Variants in RNF220 observed in about 807,000 individuals in gnomAD.
RNF220 encodes the protein E3 ubiquitin-protein ligase RNF220.
Under a neutral mutation model 67.1 loss-of-function variants are expected in RNF220, and 7 were observed. The ratio of observed to expected loss-of-function variants is 0.10; its 90% CI spans 0.06 to 0.20. RNF220 has a LOEUF of 0.20. RNF220 is among the 10% of genes least tolerant of loss of function. The probability of loss-of-function intolerance (pLI) is 1.00; values close to 1 mark genes in which losing one functional copy is unlikely to be tolerated. For missense variants in RNF220, 565 were observed against 740.3 expected (o/e 0.76, Z 2.75); for synonymous variants, 270 against 283.2 (o/e 0.95, Z 0.47).
chr1:44,507,086 G>A (rs1280032509), intron 2 of RNF220, among the ~76,000 whole-genome samples: 2 of 152,172 alleles, frequency 1.3e-5, no homozygotes, highest in Non-Finnish European at 2.9e-5. Flanking sequence ...CTATCTTGGA[G>A]CAGAAAACCA....
In RNF220 at chr1:44,649,591, G is replaced by C; in HGVS notation, c.1446-70G>C. Reference sequence around the variant, plus strand: ...TTATGTATTTGGTTCTGGAATTCAAGGGAGGCGTAGGCTGGAGGTACAGAT... The same window carrying C: ...TTATGTATTTGGTTCTGGAATTCAACGGAGGCGTAGGCTGGAGGTACAGAT... On this transcript the variant is annotated intron_variant, in intron 12 of 14. Transcript: ENST00000361799. The surrounding 1 kb of genome is among the most constrained non-coding windows in gnomAD (Gnocchi z 5.9). The C allele has an allele frequency of 7.1e-7, 1 of 1,403,306 alleles. No homozygotes were observed. The highest frequency in any genetic ancestry group is 1.0e-6 in the Non-Finnish European group (1 of 991,760). The allele number at this position is 1,403,306 out of a possible 1,614,324, so 86.9% of individuals were successfully genotyped here.
intron 2 of RNF220, among the ~76,000 whole-genome samples, chr1:44,415,051 C>T (rs1031048236): frequency 1.4e-5 from 2 of 147,390 alleles, no homozygotes. Context: ...GCACATCCCT[C>T]ACTGGGTCAT....
intron 2 of RNF220, among the ~76,000 whole-genome samples, chr1:44,419,143 G>A (rs1648934422): frequency 6.6e-6 from 1 of 152,046 alleles, no homozygotes; most frequent in Non-Finnish European, 1.5e-5. Flanking sequence ...GCAGACTTAA[G>A]GATAATTTAT....
Position 44,636,240 on chromosome 1 carries a change from G to A in RNF220, c.1126+78G>A. 4 of 1,554,308 alleles carry A rather than the reference G, an allele frequency of 2.6e-6. No individual in the cohort carries two copies. In the South Asian group the frequency reaches 3.6e-5, roughly 14 times the overall value. ...GGTATCCATCTGCTGGAAGCCAAGAGGCCGAGGCTGGTGGCTGGTCATCCA... is the reference window on the plus strand; with the variant it reads ...GGTATCCATCTGCTGGAAGCCAAGAAGCCGAGGCTGGTGGCTGGTCATCCA... On this transcript the variant is annotated intron_variant, in intron 8 of 14. Transcript: ENST00000361799.
intron 2 of RNF220, among the ~76,000 whole-genome samples, chr1:44,592,646 G>A (rs1211624759): frequency 6.6e-6 from 1 of 152,200 alleles, no homozygotes; most frequent in Non-Finnish European, 1.5e-5. Flanking sequence ...CTGTGCTTCA[G>A]GTGGTACACG....
chr1:44,420,090 G>C (rs1649042501), intron 2 of RNF220, among the ~76,000 whole-genome samples: 1 of 152,156 alleles, frequency 6.6e-6, no homozygotes, highest in Admixed American at 6.5e-5. Flanking sequence ...GTAACCATCT[G>C]GCAATTCAGA....
At chr1:44,609,795 T>G (rs1025805610) in intron 2 of RNF220, among the ~76,000 whole-genome samples, 11 of 152,184 alleles carry the variant, frequency 7.2e-5, no homozygotes, top group African/African-American at 2.7e-4. Flanking sequence ...CATCAGTCAC[T>G]CCCTGTTGGA....
rs1275575959 is a variant in RNF220 at position 44,625,887 on chromosome 1, T to C, written c.805-410T>C. 4.6e-5 allele frequency among the ~76,000 whole-genome samples: 7 copies of C among 152,216 alleles called. No homozygotes were observed. The East Asian group carries it at 9.6e-4, about 21-fold the overall frequency. On this transcript the variant is annotated intron_variant, in intron 4 of 14. Coordinates refer to ENST00000361799, the MANE Select transcript of RNF220 (RefSeq NM_018150.4). ...CATGCTATTTAATTTACTGTCTCCA[T>C]TGTGGGGCTGCCATCAGCCTGTATT...
intron 2 of RNF220, among the ~76,000 whole-genome samples, chr1:44,485,124 A>C (rs1476486348): frequency 2.0e-5 from 3 of 152,234 alleles, no homozygotes; most frequent in Non-Finnish European, 2.9e-5. Context: ...CAACAGATCG[A>C]GACTCCATCA....
intron 2 of RNF220, among the ~76,000 whole-genome samples, chr1:44,438,926 A>G (rs1651266882): frequency 6.6e-6 from 1 of 152,202 alleles, no homozygotes; most frequent in African/African-American, 2.4e-5. Context: ...GTATGTCAAC[A>G]TAAATCTCCA....
At position 44,412,045 on chromosome 1, in the gene RNF220, C is replaced by G. The variant is rs1039774381; in HGVS notation, c.-53C>G. 5.1e-6 allele frequency: 8 copies of G among 1,557,948 alleles called. No individual in the cohort carries two copies. The highest frequency in any genetic ancestry group is 1.4e-5 in the African/African-American group (1 of 73,358). On this transcript the variant is annotated 5_prime_UTR_variant, in exon 2 of 15. Transcript: ENST00000361799. This position sits in a 1 kb window ranked among gnomAD's most constrained non-coding sequence, Gnocchi z 5.3. ...CTGACCCAAAGTGCTGGTTGGCCTC[C>G]CTCCCAGGGAAGACTGCTTCTTGCG...
chr1:44,525,402 TC>T (rs2148171190), intron 2 of RNF220, among the ~76,000 whole-genome samples: 1 of 152,292 alleles, frequency 6.6e-6, no homozygotes, highest in South Asian at 2.1e-4. Flanking sequence ...TCTCATCAAA[TC>T]CTTTTTGAAT....
chr1:44,556,584 G>C (rs1663103701), intron 2 of RNF220, among the ~76,000 whole-genome samples: 1 of 146,314 alleles, frequency 6.8e-6, no homozygotes, highest in African/African-American at 2.7e-5. Context: ...TTTTTTGACA[G>C]AGTCTGGCTC....
chr1:44,603,995 G>A (rs1424560090), intron 2 of RNF220, among the ~76,000 whole-genome samples: 1 of 152,228 alleles, frequency 6.6e-6, no homozygotes, highest in African/African-American at 2.4e-5. Context: ...TAAGCCCATC[G>A]TCAGAACCAG....
chr1:44,635,109 A>G (rs1557464792), intron 6 of RNF220: 1 of 156,722 alleles, frequency 6.4e-6, no homozygotes, highest in Non-Finnish European at 1.4e-5. Flanking sequence ...CTGATGAGTG[A>G]ACAGCAGGCC....
intron 2 of RNF220, among the ~76,000 whole-genome samples, chr1:44,561,754 T>C (rs1663590660): frequency 6.6e-6 from 1 of 152,130 alleles, no homozygotes; most frequent in Non-Finnish European, 1.5e-5. Context: ...CCGTCTCTAC[T>C]AAAAATTAAA....
intron 2 of RNF220, among the ~76,000 whole-genome samples, chr1:44,435,629 A>T (rs899838349): frequency 1.3e-5 from 2 of 152,136 alleles, no homozygotes; most frequent in African/African-American, 4.8e-5. Context: ...TGGATTTTCA[A>T]GTCTAAAGAG....
intron 2 of RNF220, among the ~76,000 whole-genome samples, chr1:44,596,446 C>G (rs1042465906): frequency 6.6e-6 from 1 of 151,494 alleles, no homozygotes; most frequent in Non-Finnish European, 1.5e-5. Context: ...CCTGTAATCC[C>G]AGCTACTCGG....
rs753446596 is a variant in RNF220 at position 44,632,357 on chromosome 1, A to G, written c.921A>G (p.Val307=). ...TCTTCTCCCAGACCTTTCTGCGAGTACGAGCCAACCGGCAGACCCGACTGA... is the reference window on the plus strand; with the variant it reads ...TCTTCTCCCAGACCTTTCTGCGAGTGCGAGCCAACCGGCAGACCCGACTGA... ...HSDRYQTFLR[V]RANRQTRLNA... Residue 307 remains valine, a synonymous_variant, in exon 6 of 15, where the codon GTA becomes GTG. Transcript: ENST00000361799. 2.5e-6 allele frequency: 4 copies of G among 1,613,944 alleles called. No homozygotes were observed. Among genetic ancestry groups the G allele is most frequent in the Non-Finnish European group, 3.4e-6 (4 of 1,180,002 alleles).
Sources: gnomAD v4.1 joint callset for allele counts (sites outside exome capture counted in the v4.1 genomes callset) on GRCh38, gnomAD v4.1.1 for gene constraint, Gnocchi (gnomAD v3.1) non-coding constraint, MANE v1.5 for transcripts, NCBI Gene and HGNC (gene_info 2026-07-23, HGNC 2026-07-21) for gene names.